The following KDM2B variants were observed in gnomAD, a reference collection of about 807,000 sequenced individuals.
The protein encoded by KDM2B is lysine-specific demethylase 2B.
In KDM2B, 26 loss-of-function variants were observed where a neutral mutation model predicts 150.0. The observed-to-expected ratio is 0.17, with a 90% CI of 0.13 to 0.24. KDM2B has a LOEUF of 0.24. Among genes scored for constraint, KDM2B ranks in the 10% least tolerant of loss-of-function variants. KDM2B has a pLI of 1.00. For synonymous variants in KDM2B, 734 were observed against 729.5 expected (o/e 1.01, Z -0.10); for missense variants, 1,265 against 1,816.9 (o/e 0.70, Z 5.52).
In KDM2B at chr12:121,439,715, G is replaced by C. The variant is rs1874654617; in HGVS notation, c.3829+142C>G. ...CTTTGTTTACTGTGTTTCCCCCCTG[G>C]ACTGGGCTGTCTGTCTCAGTAAACG... On this transcript the variant is annotated intron_variant, in intron 22 of 22. Coordinates refer to ENST00000377071, the MANE Select transcript of KDM2B (RefSeq NM_032590.5). The C allele has an allele frequency of 3.7e-5, 25 of 672,396 alleles. 1 individual carries two copies. The South Asian group carries it at 4.2e-4, about 11-fold the overall frequency. 41.7% of individuals were successfully genotyped at this position (672,396 alleles called of 1,614,324 possible).
chr12:121,552,676 TAAAAAA>T (rs5801436), intron 4 of KDM2B, among the ~76,000 whole-genome samples: 1 of 131,848 alleles, frequency 7.6e-6, no homozygotes, highest in African/African-American at 2.9e-5. Context: ...CTGTCTTAAT[TAAAAAA>T]AAAAAAAAAA....
chr12:121,475,192 GTGT>G (rs1555296537), intron 12 of KDM2B, among the ~76,000 whole-genome samples: 344 of 143,132 alleles, frequency 2.4e-3, no homozygotes, highest in Middle Eastern at 0.014. Context: ...CTGTGTGTGT[GTGT>G]GTGTGTGTGT....
Position 121,509,885 on chromosome 12 carries a change from G to T in KDM2B, c.1329C>A (p.Ser443=), listed in dbSNP as rs1555303635. The part of the protein sequence containing the change: ...DRAPKPPTDG[S]TSPTSTPSED... ...CAGAGGGCGTGCTGGTGGGTGAAGT[G>T]GAGCCATCGGTGGGCGGTTTGGGTG... is the stretch of plus-strand genomic sequence containing the variant. The change falls in exon 11 of 23, where the codon TCC becomes TCA. Residue 443 remains serine, a synonymous_variant. Transcript: ENST00000377071. 3.7e-6 allele frequency: 6 copies of T among 1,613,836 alleles called. No individual in the cohort carries two copies. The South Asian group carries it at 6.6e-5, about 18-fold the overall frequency.
In KDM2B at chr12:121,521,143, G is replaced by A. The variant is rs1487781814; in HGVS notation, c.932-43C>T. On this transcript the variant is annotated intron_variant, in intron 8 of 22. Transcript: ENST00000377071. The surrounding 1 kb of genome is among the most constrained non-coding windows in gnomAD (Gnocchi z 4.9). ...AGGAGAGGATGAGCCGCTGGCCCCT[G>A]TGGGCTCCCACACCTCACAAGGCTG... is the stretch of plus-strand genomic sequence containing the variant. 2.2e-6 allele frequency: 3 copies of A among 1,386,386 alleles called. No individual in the cohort carries two copies. Among genetic ancestry groups the A allele is most frequent in the Non-Finnish European group, 3.1e-6 (3 of 975,434 alleles). The allele number at this position is 1,386,386 out of a possible 1,614,324, so 85.9% of individuals were successfully genotyped here.
Position 121,442,611 on chromosome 12 carries a change from T to C in KDM2B, c.2830A>G (p.Lys944Glu), listed in dbSNP as rs1566264240. 6.2e-7 allele frequency: 1 copy of C among 1,602,574 alleles called. No individual in the cohort carries two copies. ...KMRRKRRLPN[K>E]ELSRELSKEL... ...TTGCTCAGCTCCCTGCTCAGCTCCT[T>C]GTTGGGAAGCCGCCGCTTCCGGCGC... Residue 944 changes from lysine to glutamate, a missense_variant, in exon 19 of 23, where the codon AAG becomes GAG. Coordinates refer to ENST00000377071, the MANE Select transcript of KDM2B (RefSeq NM_032590.5). This position sits in a 1 kb window ranked among gnomAD's most constrained non-coding sequence, Gnocchi z 7.7.
At chr12:121,570,579 G>A (rs1410110707) in intron 4 of KDM2B, among the ~76,000 whole-genome samples, 1 of 152,180 alleles carries the variant, frequency 6.6e-6, no homozygotes, top group Non-Finnish European at 1.5e-5. Context: ...CCTCCACACA[G>A]ACACACCAGA....
chr12:121,549,133 T>A lies in KDM2B; in HGVS notation c.577-150A>T. 1 of 657,256 alleles carries A rather than the reference T, an allele frequency of 1.5e-6. No homozygotes were observed. Among genetic ancestry groups the A allele is most frequent in the Non-Finnish European group, 2.6e-6 (1 of 377,718 alleles). 40.7% of individuals were successfully genotyped at this position (657,256 alleles called of 1,614,324 possible). ...ACATGGGAGGAAGGAAGGGCAGGGA[T>A]GACAGGACCCACACTTTGTAGAAGG... On this transcript the variant is annotated intron_variant, in intron 5 of 22. Transcript: ENST00000377071. This position sits in a 1 kb window ranked among gnomAD's most constrained non-coding sequence, Gnocchi z 4.4.
intron 12 of KDM2B, among the ~76,000 whole-genome samples, chr12:121,454,594 C>A (rs1294321117): frequency 6.6e-6 from 1 of 152,128 alleles, no homozygotes; most frequent in Admixed American, 6.6e-5. Flanking sequence ...GATGGGAGAG[C>A]TTTTCTTGTC....
chr12:121,566,368 T>G (rs953053476), intron 4 of KDM2B, among the ~76,000 whole-genome samples: 8 of 152,118 alleles, frequency 5.3e-5, no homozygotes, highest in African/African-American at 1.9e-4. Flanking sequence ...ACGCCTGTAA[T>G]CCCAGCACTC....
In KDM2B at chr12:121,568,015, C is replaced by A. The variant is rs986890252; in HGVS notation, c.397+6532G>T. Among the ~76,000 whole-genome samples the A allele has an allele frequency of 7.2e-5, 11 of 152,114 alleles. 1 individual carries two copies. Among genetic ancestry groups the A allele is most frequent in the Non-Finnish European group, 1.5e-4 (10 of 68,026 alleles). ...AAGTGCTGGGATTACAGGCGTGAGC[C>A]ACTGCGCCCAGCCTAAGAAAATAAA... On this transcript the variant is annotated intron_variant, in intron 4 of 22. Transcript: ENST00000377071.
At chr12:121,501,578 C>A (rs1263020399) in intron 11 of KDM2B, among the ~76,000 whole-genome samples, 1 of 152,022 alleles carries the variant, frequency 6.6e-6, no homozygotes, top group Non-Finnish European at 1.5e-5. Context: ...TCTGGCCCCC[C>A]AGGACTATTA....
intron 4 of KDM2B, among the ~76,000 whole-genome samples, chr12:121,563,061 T>C (rs1890455755): frequency 6.6e-6 from 1 of 152,174 alleles, no homozygotes; most frequent in Non-Finnish European, 1.5e-5. Context: ...CTCTCGCCTG[T>C]AATCCCAGCT....
intron 6 of KDM2B, among the ~76,000 whole-genome samples, chr12:121,543,924 C>T (rs1269317409): frequency 6.6e-6 from 1 of 151,880 alleles, no homozygotes; most frequent in Non-Finnish European, 1.5e-5. Flanking sequence ...GAGGTCAAGA[C>T]CAGCCTGGGC....
At chr12:121,425,289 C>CAA (rs112456897), downstream of KDM2B, among the ~76,000 whole-genome samples, 27,887 of 144,218 alleles carry the variant, frequency 0.19, 4,091 homozygotes, top group African/African-American at 0.42. Context: ...GGCTGGGCGA[C>CAA]GAGCGAAACT....
At chr12:121,557,857 G>A (rs1002466110) in intron 4 of KDM2B, among the ~76,000 whole-genome samples, 1 of 152,212 alleles carries the variant, frequency 6.6e-6, no homozygotes, top group Non-Finnish European at 1.5e-5. Flanking sequence ...GAGAATGACT[G>A]GGTATACCTA....
intron 4 of KDM2B, among the ~76,000 whole-genome samples, chr12:121,560,107 C>T (rs1167802106): frequency 6.6e-6 from 1 of 152,054 alleles, no homozygotes; most frequent in Admixed American, 6.6e-5. Context: ...TGGGCTCAAG[C>T]GATCCTCCGA....
At chr12:121,580,252 T>C (rs1367144737) in intron 1 of KDM2B, 2 of 839,280 alleles carry the variant, frequency 2.4e-6, no homozygotes, top group Non-Finnish European at 2.9e-6. Flanking sequence ...TCAGCAGTTG[T>C]GGGGGGGGGG....
intron 8 of KDM2B, chr12:121,524,784 C>T (rs1276068889): frequency 2.4e-6 from 1 of 415,304 alleles, no homozygotes; most frequent in Non-Finnish European, 4.8e-6. Context: ...CAGCCAGAGT[C>T]ATCGACAATA....
At chr12:121,466,115 C>A (rs1424404073) in intron 12 of KDM2B, among the ~76,000 whole-genome samples, 2 of 152,046 alleles carry the variant, frequency 1.3e-5, no homozygotes, top group African/African-American at 4.8e-5. Context: ...TAGAGCACTT[C>A]CTCAATTGCA....
Sources: gnomAD v4.1 joint callset for allele counts (sites outside exome capture counted in the v4.1 genomes callset) on GRCh38, gnomAD v4.1.1 for gene constraint, Gnocchi (gnomAD v3.1) non-coding constraint, MANE v1.5 for transcripts, NCBI Gene and HGNC (gene_info 2026-07-23, HGNC 2026-07-21) for gene names.